Variants in AOPEP observed in about 807,000 individuals in gnomAD.
AOPEP encodes the protein aminopeptidase O.
AOPEP carries 77 observed loss-of-function variants against 98.1 expected under a neutral mutation model. That is an observed-to-expected ratio of 0.78 (90% CI 0.65 to 0.95). The LOEUF is 0.95. Ranked by LOEUF, AOPEP falls within the 40% of genes least tolerant of loss-of-function variation. The probability of loss-of-function intolerance (pLI) is 0.00; values close to 1 mark genes in which losing one functional copy is unlikely to be tolerated. For synonymous variants in AOPEP, 346 were observed against 365.3 expected, an observed-to-expected ratio of 0.95 and a Z score of 0.60; for missense variants, 1,024 against 1,024.7, an observed-to-expected ratio of 1.00 and a Z score of 0.01.
At chr9:95,012,982 T>G (rs1381224980) in intron 13 of AOPEP, among the ~76,000 whole-genome samples, 2 of 104,330 alleles carry the variant, frequency 1.9e-5, no homozygotes, top group Non-Finnish European at 4.1e-5. Context: ...TTCCTGTTTT[T>G]TTTTTGGGGG....
chr9:95,041,371 AATC>A (rs1270407411), intron 13 of AOPEP, among the ~76,000 whole-genome samples: 1 of 151,852 alleles, frequency 6.6e-6, no homozygotes, highest in African/African-American at 2.4e-5. Flanking sequence ...AAAAAAAAAA[AATC>A]ATCCTTGTGG....
At chr9:95,099,305 C>G in the AOPEP span, 2 of 224,520 alleles carry the variant, frequency 8.9e-6, no homozygotes, top group Non-Finnish European at 1.8e-5. Context: ...GATTCCAGAC[C>G]CTGTCGCACC....
chr9:95,106,951 G>C, the AOPEP span: 1 of 1,016,248 alleles, frequency 9.8e-7, no homozygotes, highest in East Asian at 2.6e-5. Context: ...ATTTATCTGT[G>C]CTGGGCAGCA....
intron 5 of AOPEP, among the ~76,000 whole-genome samples, chr9:94,901,462 A>G (rs55814456): frequency 0.032 from 4,860 of 152,022 alleles, 203 homozygotes; most frequent in African/African-American, 0.094. Flanking sequence ...GTGTTTATCT[A>G]GTATTTGTTA....
At chr9:95,005,371 C>A (rs2061921820) in intron 12 of AOPEP, 151 bp downstream of exon 12, 2 of 811,394 alleles carry the variant, frequency 2.5e-6, no homozygotes, top group South Asian at 2.3e-5. Flanking sequence ...TGACGAAGGT[C>A]GCGGCCCCTG....
chr9:94,741,824 C>T (rs1234003472), intron 1 of AOPEP, among the ~76,000 whole-genome samples: 2 of 152,188 alleles, frequency 1.3e-5, no homozygotes, highest in African/African-American at 4.8e-5. Flanking sequence ...TTCTGAGACC[C>T]AGGCTGATAG....
intron 7 of AOPEP, among the ~76,000 whole-genome samples, chr9:94,946,781 G>A (rs1395134244): frequency 2.6e-5 from 4 of 152,054 alleles, no homozygotes; most frequent in Non-Finnish European, 5.9e-5. Flanking sequence ...GTCCTTGGTT[G>A]TTCTCTTTGT....
At chr9:94,859,092 G>C (rs890515409) in intron 5 of AOPEP, among the ~76,000 whole-genome samples, 5 of 151,124 alleles carry the variant, frequency 3.3e-5, no homozygotes, top group Non-Finnish European at 7.4e-5. Flanking sequence ...ACTTCAGCCT[G>C]GGCGACAGAG....
the AOPEP span, chr9:95,117,196 A>G: frequency 2.2e-6 from 2 of 906,088 alleles, no homozygotes; most frequent in Non-Finnish European, 1.8e-6. Flanking sequence ...AAGGGATCTT[A>G]GAAATAACCA....
intron 1 of AOPEP, among the ~76,000 whole-genome samples, chr9:94,741,884 A>G (rs114142201): frequency 0.027 from 4,098 of 152,130 alleles, 178 homozygotes; most frequent in African/African-American, 0.093. Context: ...AGAGAAGAGC[A>G]CTCTAGAGGG....
chr9:95,028,559 G>T (rs1469342382), intron 13 of AOPEP, among the ~76,000 whole-genome samples: 1 of 152,226 alleles, frequency 6.6e-6, no homozygotes, highest in Non-Finnish European at 1.5e-5. Flanking sequence ...TGAGTCTGAA[G>T]GGTAAATCTG....
chr9:95,101,984 G>A, the AOPEP span: 1 of 998,324 alleles, frequency 1.0e-6, no homozygotes, highest in Non-Finnish European at 1.5e-6. Flanking sequence ...CCAAAGTAAA[G>A]CATCAGGGGC....
chr9:95,076,797 C>A (rs543608760), intron 14 of AOPEP, among the ~76,000 whole-genome samples: 1 of 152,164 alleles, frequency 6.6e-6, no homozygotes, highest in African/African-American at 2.4e-5. Context: ...AAAAAGGATT[C>A]TAAAAAGCTG....
the AOPEP span, among the ~76,000 whole-genome samples, chr9:95,141,232 A>G: frequency 7.1e-6 from 1 of 140,856 alleles, no homozygotes. Context: ...GAATCACCTG[A>G]GCCTGGGAGG....
chr9:94,943,229 A>G (rs2137537365), intron 7 of AOPEP, among the ~76,000 whole-genome samples: 1 of 152,338 alleles, frequency 6.6e-6, no homozygotes, highest in African/African-American at 2.4e-5. Flanking sequence ...ATATCTGTTA[A>G]GGGACTTGTA....
rs540070315 is a variant in AOPEP at position 94,983,702 on chromosome 9, C to T, written c.1977+4275C>T. Among the ~76,000 whole-genome samples the T allele has an allele frequency of 4.6e-5, 7 of 152,280 alleles. No individual in the cohort carries two copies. The South Asian group carries it at 8.3e-4, about 18-fold the overall frequency. On this transcript the variant is annotated intron_variant, in intron 11 of 16. Coordinates refer to ENST00000375315, the MANE Select transcript of AOPEP (RefSeq NM_001193329.3). ...TGGAGATTCGCCCGCTCACGACTGT[C>T]GGTGCACAGGTATTTGCAAGCTTTT...
chr9:94,909,366 A>AT, intron 5 of AOPEP, among the ~76,000 whole-genome samples: 1 of 151,746 alleles, frequency 6.6e-6, no homozygotes, highest in Non-Finnish European at 1.5e-5. Context: ...AAAAAAAAAA[A>AT]AAAGAATGAG....
At chr9:95,135,992 T>A in the AOPEP span, among the ~76,000 whole-genome samples, 1 of 152,240 alleles carries the variant, frequency 6.6e-6, no homozygotes, top group East Asian at 1.9e-4. Context: ...TCCTTCACAG[T>A]GTTCTTGTAA....
intron 2 of AOPEP, chr9:94,763,074 C>T: frequency 2.3e-6 from 1 of 435,732 alleles, no homozygotes; most frequent in Admixed American, 2.9e-5. Flanking sequence ...ATCAGTTATA[C>T]CCGCTCTAAG....
Sources: allele counts gnomAD v4.1 joint callset (sites outside exome capture counted in the v4.1 genomes callset), GRCh38; gene constraint gnomAD v4.1.1; transcripts MANE v1.5; gene names NCBI Gene and HGNC (gene_info 2026-07-23, HGNC 2026-07-21).